Variants in LRGUK observed in about 807,000 individuals in gnomAD.
The protein encoded by LRGUK is leucine-rich repeat and guanylate kinase domain-containing protein.
Under a neutral mutation model 76.0 loss-of-function variants are expected in LRGUK, and 65 were observed. The ratio of observed to expected loss-of-function variants is 0.85; its 90% CI spans 0.70 to 1.05. The LOEUF is 1.05. Among genes scored for constraint, LRGUK ranks in the 50% least tolerant of loss-of-function variants. LRGUK has a pLI of 0.00. For missense variants in LRGUK, 758 were observed against 732.8 expected (o/e 1.03, Z -0.40); for synonymous variants, 268 against 265.6 (o/e 1.01, Z -0.09).
intron 5 of LRGUK, among the ~76,000 whole-genome samples, chr7:134,150,830 T>C (rs1482571405): frequency 2.6e-5 from 4 of 151,924 alleles, no homozygotes; most frequent in African/African-American, 7.3e-5. Context: ...ATTAGGGTTT[T>C]TTTTTTCTTG....
chr7:134,261,912 C>T (rs551660272), intron 19 of LRGUK, among the ~76,000 whole-genome samples: 3 of 152,190 alleles, frequency 2.0e-5, no homozygotes, highest in Admixed American at 1.3e-4. Flanking sequence ...GCTGCAGGCC[C>T]GATTTGGCCT....
chr7:134,226,993 AC>A (rs1315623512), intron 16 of LRGUK, among the ~76,000 whole-genome samples: 1 of 151,888 alleles, frequency 6.6e-6, no homozygotes, highest in African/African-American at 2.4e-5. Flanking sequence ...CTAAAGGCAG[AC>A]CTGGTAATTC....
At chr7:134,145,250 C>CTTT (rs201453409) in intron 4 of LRGUK, among the ~76,000 whole-genome samples, 2 of 151,352 alleles carry the variant, frequency 1.3e-5, no homozygotes, top group East Asian at 1.9e-4. Context: ...CTTTTCTTTT[C>CTTT]TTTTCTTTTT....
At chr7:134,223,522 A>G (rs182275583) in intron 16 of LRGUK, among the ~76,000 whole-genome samples, 74 of 152,338 alleles carry the variant, frequency 4.9e-4, no homozygotes, top group Admixed American at 2.3e-3. Context: ...TCCAAAATCA[A>G]TGAAATCTGG....
chr7:134,270,207 A>C, the LRGUK span, among the ~76,000 whole-genome samples: 1 of 152,194 alleles, frequency 6.6e-6, no homozygotes, highest in Non-Finnish European at 1.5e-5. Flanking sequence ...AAACTCTTAG[A>C]ATGACTAAAT....
At chr7:134,179,355 A>T (rs142776627) in intron 10 of LRGUK, among the ~76,000 whole-genome samples, 2 of 152,236 alleles carry the variant, frequency 1.3e-5, no homozygotes, top group African/African-American at 4.8e-5. Flanking sequence ...CATTTTAAAA[A>T]TACTTGTAAA....
In LRGUK at chr7:134,263,971, G is replaced by T. The variant is rs139686578; in HGVS notation, c.2474G>T (p.Arg825Met). 3.1e-6 allele frequency: 5 copies of T among 1,608,768 alleles called. No homozygotes were observed. Among genetic ancestry groups the T allele is most frequent in the Non-Finnish European group, 4.2e-6 (5 of 1,178,022 alleles). Residue 825 changes from arginine to methionine, a missense_variant, in exon 20 of 20, where the codon AGG becomes ATG. By Grantham distance (91) the Arg-to-Met change is moderately conservative. Transcript: ENST00000285928. Reference sequence around the variant, plus strand: ...CTCCCTCCAATCCCTCAGGGCCGCAGGTAGACTAGCACTTGATGTCTGATC... The same window carrying T: ...CTCCCTCCAATCCCTCAGGGCCGCATGTAGACTAGCACTTGATGTCTGATC...
chr7:134,248,348 T>G (rs543038787), intron 17 of LRGUK, among the ~76,000 whole-genome samples: 2 of 152,346 alleles, frequency 1.3e-5, no homozygotes, highest in Non-Finnish European at 2.9e-5. Flanking sequence ...TGAATTTGCC[T>G]GCATTTATAT....
chr7:134,166,249 G>T (rs1021028777), intron 7 of LRGUK, among the ~76,000 whole-genome samples: 8 of 152,040 alleles, frequency 5.3e-5, no homozygotes, highest in African/African-American at 1.9e-4. Context: ...CTTGGTTTTA[G>T]CAATTGAAAC....
At chr7:134,206,056 G>A (rs184959720) in intron 15 of LRGUK, among the ~76,000 whole-genome samples, 16 of 152,274 alleles carry the variant, frequency 1.1e-4, no homozygotes, top group African/African-American at 1.9e-4. Context: ...AAAAGGAAGC[G>A]CAAGGTTTAT....
downstream of LRGUK, among the ~76,000 whole-genome samples, chr7:134,211,363 A>G (rs74934712): frequency 0.035 from 5,333 of 152,280 alleles, 287 homozygotes; most frequent in African/African-American, 0.12. Flanking sequence ...TTCTCTTCAT[A>G]AGGAAAATTC....
chr7:134,247,433 T>G (rs1802331750), intron 16 of LRGUK, 123 bp from the exon 17 acceptor site: 1 of 595,914 alleles, frequency 1.7e-6, no homozygotes, highest in Non-Finnish European at 2.8e-6. Context: ...TTTTTATGCC[T>G]TTTCCCCCTT....
intron 16 of LRGUK, among the ~76,000 whole-genome samples, chr7:134,230,072 A>G (rs1195573602): frequency 6.6e-6 from 1 of 152,176 alleles, no homozygotes; most frequent in Non-Finnish European, 1.5e-5. Context: ...TTAACTGAAA[A>G]CACAGCATGA....
At chr7:134,201,217 T>C (rs1408510914) in intron 14 of LRGUK, among the ~76,000 whole-genome samples, 1 of 152,184 alleles carries the variant, frequency 6.6e-6, no homozygotes, top group Non-Finnish European at 1.5e-5. Flanking sequence ...GTTAATAACC[T>C]TAACCACATC....
chr7:134,140,195 C>T (rs1797713023), intron 3 of LRGUK, among the ~76,000 whole-genome samples: 2 of 152,124 alleles, frequency 1.3e-5, no homozygotes, highest in African/African-American at 4.8e-5. Flanking sequence ...GTCTGGAACT[C>T]CTGACTTCAA....
At chr7:134,231,488 ATTCC>A (rs527585307) in intron 16 of LRGUK, among the ~76,000 whole-genome samples, 169 of 92,856 alleles carry the variant, frequency 1.8e-3, no homozygotes, top group Non-Finnish European at 2.9e-3. Flanking sequence ...TCCTCCCTCC[ATTCC>A]TTCCTTCCTT....
At chr7:134,148,714 T>G (rs1379744035) in intron 5 of LRGUK, among the ~76,000 whole-genome samples, 3 of 152,028 alleles carry the variant, frequency 2.0e-5, no homozygotes, top group Non-Finnish European at 2.9e-5. Context: ...TCACCTGAGG[T>G]CGGAGTTCAA....
At chr7:134,157,633 C>T (rs527562698) in intron 5 of LRGUK, among the ~76,000 whole-genome samples, 26 of 152,352 alleles carry the variant, frequency 1.7e-4, no homozygotes, top group South Asian at 1.2e-3. Context: ...CGCCGTTATC[C>T]TGCCTCAGCC....
At chr7:134,185,545 T>A (rs1224929600) in intron 11 of LRGUK, among the ~76,000 whole-genome samples, 1 of 151,732 alleles carries the variant, frequency 6.6e-6, no homozygotes, top group Non-Finnish European at 1.5e-5. Flanking sequence ...AAAAAAAGAT[T>A]TTTTTTTAGA....
Sources: allele counts gnomAD v4.1 joint callset (sites outside exome capture counted in the v4.1 genomes callset), GRCh38; gene constraint gnomAD v4.1.1; transcripts MANE v1.5; gene names NCBI Gene and HGNC (gene_info 2026-07-23, HGNC 2026-07-21).